Variants in RABGAP1L observed in about 807,000 individuals in gnomAD.
The protein encoded by RABGAP1L is rab GTPase-activating protein 1-like.
RABGAP1L carries 63 observed loss-of-function variants against 137.7 expected under a neutral mutation model. The ratio of observed to expected loss-of-function variants is 0.46; its 90% confidence interval spans 0.37 to 0.56. RABGAP1L has a LOEUF of 0.56. RABGAP1L is among the 20% of genes least tolerant of loss of function. The pLI, the probability that RABGAP1L is intolerant of heterozygous loss-of-function variation, is 0.00. For synonymous variants in RABGAP1L, 431 were observed against 433.7 expected, an observed-to-expected ratio of 0.99 and a Z score of 0.08; for missense variants, 1,095 against 1,244.0, an observed-to-expected ratio of 0.88 and a Z score of 1.80.
intron 19 of RABGAP1L, among the ~76,000 whole-genome samples, chr1:174,872,535 T>C (rs948962016): frequency 6.6e-6 from 1 of 151,868 alleles, no homozygotes; most frequent in Non-Finnish European, 1.5e-5. Context: ...AGAATGTATT[T>C]ATAGAATTTT....
intron 1 of RABGAP1L, among the ~76,000 whole-genome samples, chr1:174,186,940 C>T (rs1294184659): frequency 6.6e-6 from 1 of 152,048 alleles, no homozygotes; most frequent in Non-Finnish European, 1.5e-5. Flanking sequence ...ACTTTAAATC[C>T]TTAAATGTGG....
At chr1:174,713,461 C>G (rs1440567014) in intron 17 of RABGAP1L, among the ~76,000 whole-genome samples, 3 of 152,184 alleles carry the variant, frequency 2.0e-5, no homozygotes, top group Non-Finnish European at 4.4e-5. Context: ...GCAGATCTTT[C>G]ATGAATGGTT....
intron 12 of RABGAP1L, among the ~76,000 whole-genome samples, chr1:174,383,545 C>A (rs1372708999): frequency 6.6e-6 from 1 of 152,100 alleles, no homozygotes; most frequent in Non-Finnish European, 1.5e-5. Flanking sequence ...TGGGAGTGAC[C>A]CGATTTTCCA....
At chr1:174,414,604 C>T (rs983627716) in intron 13 of RABGAP1L, among the ~76,000 whole-genome samples, 12 of 151,948 alleles carry the variant, frequency 7.9e-5, no homozygotes, top group African/African-American at 2.7e-4. Context: ...CTTAGTGCTC[C>T]ATGATTTTTT....
At chr1:174,233,983 T>C (rs1448850123) in intron 4 of RABGAP1L, among the ~76,000 whole-genome samples, 2 of 137,824 alleles carry the variant, frequency 1.5e-5, no homozygotes, top group South Asian at 2.2e-4. Context: ...TGGTATCTCA[T>C]AGTGGTTTTG....
intron 13 of RABGAP1L, among the ~76,000 whole-genome samples, chr1:174,409,690 G>A (rs1479621435): frequency 6.6e-6 from 1 of 152,086 alleles, no homozygotes; most frequent in Admixed American, 6.6e-5. Flanking sequence ...GGAAAGGAAT[G>A]CATTCCTGGG....
Position 174,627,007 on chromosome 1 carries a change from G to A in RABGAP1L, c.1711-10368G>A, listed in dbSNP as rs75537692. The stretch of plus-strand genomic sequence containing the variant: ...ATTTATCTGCCTACTGATTGTGCTA[G>A]GGACAGTCTATACTGGCATTTTTAA... On this transcript the variant is annotated intron_variant, in intron 13 of 25. Coordinates refer to ENST00000681986, the MANE Select transcript of RABGAP1L (RefSeq NM_001366446.1). 6.9e-3 allele frequency among the ~76,000 whole-genome samples: 1,053 copies of A among 152,290 alleles called. 9 individuals carry two copies. Among genetic ancestry groups the A allele is most frequent in the African/African-American group, 0.023 (974 of 41,572 alleles).
chr1:174,388,065 ATAGG>A (rs1686947312), intron 12 of RABGAP1L, among the ~76,000 whole-genome samples: 1 of 152,124 alleles, frequency 6.6e-6, no homozygotes, highest in South Asian at 2.1e-4. Context: ...GTCGGGAAAA[ATAGG>A]TAGGCATTTA....
intron 13 of RABGAP1L, among the ~76,000 whole-genome samples, chr1:174,616,406 A>T (rs1040102671): frequency 6.6e-6 from 1 of 152,218 alleles, no homozygotes; most frequent in African/African-American, 2.4e-5. Context: ...ATCTTGGGGA[A>T]TAGATGGTTA....
chr1:174,785,701 T>C (rs1687400375), intron 18 of RABGAP1L, among the ~76,000 whole-genome samples: 1 of 152,218 alleles, frequency 6.6e-6, no homozygotes. Flanking sequence ...CTTTTGAGCA[T>C]GCGTATTCAA....
intron 14 of RABGAP1L, among the ~76,000 whole-genome samples, chr1:174,644,679 T>G (rs1420534853): frequency 6.6e-6 from 1 of 152,142 alleles, no homozygotes; most frequent in Non-Finnish European, 1.5e-5. Context: ...TTAAATATCC[T>G]AGACAAAAAC....
chr1:174,253,724 A>C (rs539665260), intron 7 of RABGAP1L, among the ~76,000 whole-genome samples: 3 of 152,306 alleles, frequency 2.0e-5, no homozygotes, highest in Admixed American at 2.0e-4. Context: ...GTCAATTATC[A>C]GTCAGTACTG....
chr1:174,438,744 G>GTGTATATATA lies in RABGAP1L; in HGVS notation c.1710+44600_1710+44601insGTATATATAT, dbSNP rs1161311071. On this transcript the variant is annotated intron_variant, in intron 13 of 25. Coordinates refer to ENST00000681986, the MANE Select transcript of RABGAP1L (RefSeq NM_001366446.1). ...AAAAACCCAAAAAAAGTGTGTGTGT[G>GTGTATATATA]TATATATATATATATATATATATAT... is the stretch of plus-strand genomic sequence containing the variant. Among the ~76,000 whole-genome samples, 50 of 95,438 alleles carry GTGTATATATA rather than the reference G, an allele frequency of 5.2e-4. No individual in the cohort carries two copies. The Middle Eastern group carries it at 0.019, about 36-fold the overall frequency. The allele number at this position is 95,438 out of a possible 152,430, so 62.6% of individuals were successfully genotyped here.
At chr1:174,672,562 A>G (rs1677263883) in intron 14 of RABGAP1L, among the ~76,000 whole-genome samples, 1 of 150,606 alleles carries the variant, frequency 6.6e-6, no homozygotes, top group East Asian at 2.0e-4. Context: ...TAGGTTTTTT[A>G]TTTGCAACCT....
At chr1:174,904,959 G>T (rs1658792006) in intron 19 of RABGAP1L, among the ~76,000 whole-genome samples, 1 of 151,988 alleles carries the variant, frequency 6.6e-6, no homozygotes, top group Admixed American at 6.6e-5. Flanking sequence ...TATTTCATAG[G>T]TTCCTTGGAC....
intron 19 of RABGAP1L, among the ~76,000 whole-genome samples, chr1:174,954,416 T>A (rs893439806): frequency 2.6e-5 from 4 of 152,148 alleles, no homozygotes; most frequent in African/African-American, 7.2e-5. Context: ...TTGCCTTTTT[T>A]AAAAAAATGT....
At chr1:174,357,054 A>G (rs754437641) in intron 11 of RABGAP1L, among the ~76,000 whole-genome samples, 11 of 152,094 alleles carry the variant, frequency 7.2e-5, no homozygotes, top group Non-Finnish European at 1.5e-4. Context: ...GATAACAGTA[A>G]ACTGCAGTAG....
At chr1:174,434,672 A>T (rs1438718001) in intron 13 of RABGAP1L, among the ~76,000 whole-genome samples, 2 of 152,076 alleles carry the variant, frequency 1.3e-5, no homozygotes, top group African/African-American at 4.8e-5. Flanking sequence ...GTGGGTATAT[A>T]TTGGTATCTC....
intron 14 of RABGAP1L, among the ~76,000 whole-genome samples, chr1:174,672,253 C>T (rs186727662): frequency 1.3e-4 from 19 of 146,160 alleles, no homozygotes; most frequent in Admixed American, 4.1e-4. Context: ...AAATGAACAA[C>T]TCATTTCATT....
Sources: gnomAD v4.1 joint callset for allele counts (sites outside exome capture counted in the v4.1 genomes callset) on GRCh38, gnomAD v4.1.1 for gene constraint, MANE v1.5 for transcripts, NCBI Gene and HGNC (gene_info 2026-07-23, HGNC 2026-07-21) for gene names.